Variants in ACADSB observed in about 807,000 individuals in gnomAD.
ACADSB encodes the protein acyl-CoA dehydrogenase short/branched chain.
A neutral mutation model predicts 54.1 loss-of-function variants in ACADSB; 40 were observed. That is an observed-to-expected ratio of 0.74 (90% confidence interval 0.57 to 0.96). The LOEUF is 0.96. Among genes scored for constraint, ACADSB ranks in the 40% least tolerant of loss-of-function variants. The pLI is 0.00. For missense variants in ACADSB, 530 were observed against 510.4 expected (o/e 1.04, Z -0.37); for synonymous variants, 182 against 182.8 (o/e 1.00, Z 0.03).
rs772065649 is a variant in ACADSB, at chr10:123,052,621, G to T, written c.1129-440G>T. The T allele has an allele frequency of 3.2e-5, 8 of 248,514 alleles. No individual in the cohort carries two copies. Among genetic ancestry groups the T allele is most frequent in the Middle Eastern group, 1.5e-3 (1 of 656 alleles). 15.4% of individuals were successfully genotyped at this position (248,514 alleles called of 1,614,324 possible). A position where few individuals can be genotyped will look rare whatever the true frequency, so the allele number is the denominator to read the frequency against. Reference sequence around the variant, plus strand: ...GTGGACGTCCTTGAGGGGCCATTCTGCAGGGTCTCTCGCTCCTCCATTCTC... The same window carrying T: ...GTGGACGTCCTTGAGGGGCCATTCTTCAGGGTCTCTCGCTCCTCCATTCTC... On this transcript the variant is annotated intron_variant, in intron 9 of 10. Coordinates refer to ENST00000358776, the MANE Select transcript of ACADSB (RefSeq NM_001609.4). The surrounding 1 kb of genome is among the most constrained non-coding windows in gnomAD (Gnocchi z 4.2).
chr10:123,009,152 G>C, intron 1 of ACADSB, 81 bp downstream of exon 1: 1 of 1,443,428 alleles, frequency 6.9e-7, no homozygotes, highest in Non-Finnish European at 9.4e-7. Flanking sequence ...GCCTTCTAAC[G>C]GGCCTCGGGG....
In ACADSB at chr10:123,056,809, A is replaced by T. The variant is rs1850715291; in HGVS notation, c.*3044A>T. On this transcript the variant is annotated 3_prime_UTR_variant, in exon 11 of 11. Coordinates refer to ENST00000358776, the MANE Select transcript of ACADSB (RefSeq NM_001609.4). ...CAGAGTAATTTTGTTTTGCACATTC[A>T]TGTTTATTGAAGTGGACTAATTTCT... 6.6e-6 allele frequency: 1 copy of T among 152,562 alleles called. No homozygotes were observed. The highest frequency in any genetic ancestry group is 1.9e-4 in the East Asian group (1 of 5,202). The allele number at this position is 152,562 out of a possible 1,614,324, so 9.5% of individuals were successfully genotyped here.
intron 1 of ACADSB, among the ~76,000 whole-genome samples, chr10:123,021,382 C>G (rs1450830357): frequency 6.6e-6 from 1 of 152,040 alleles, no homozygotes; most frequent in South Asian, 2.1e-4. Context: ...CAAATAATAC[C>G]CTTTTGAATG....
rs1247302955 is a variant in ACADSB at position 123,009,208 on chromosome 10, A to G, written c.42+137A>G. The G allele has an allele frequency of 5.0e-6, 5 of 1,007,790 alleles. No individual in the cohort carries two copies. The East Asian group carries it at 1.3e-4, about 26-fold the overall frequency. The allele number at this position is 1,007,790 out of a possible 1,614,324, so 62.4% of individuals were successfully genotyped here. A position where few individuals can be genotyped will look rare whatever the true frequency, so the allele number is the denominator to read the frequency against. ...CACGTCCTGGGTCCCCAGACTCTTT[A>G]CCCGCGGGCAGTCTATGACCCCGAC... On this transcript the variant is annotated intron_variant, in intron 1 of 10. Transcript: ENST00000358776.
At chr10:123,020,021 CTT>C (rs1367741453) in intron 1 of ACADSB, among the ~76,000 whole-genome samples, 1 of 152,118 alleles carries the variant, frequency 6.6e-6, no homozygotes, top group African/African-American at 2.4e-5. Context: ...CATCCACCCT[CTT>C]AGGTTCAGTG....
chr10:123,035,107 G>A (rs373269042), intron 2 of ACADSB, among the ~76,000 whole-genome samples: 124 of 151,952 alleles, frequency 8.2e-4, no homozygotes, highest in African/African-American at 2.7e-3. Context: ...GTGCCACCAC[G>A]CCTGGCTAGT....
chr10:123,027,126 G>C (rs185493855), intron 1 of ACADSB, among the ~76,000 whole-genome samples: 120 of 152,288 alleles, frequency 7.9e-4, no homozygotes, highest in South Asian at 1.7e-3. Flanking sequence ...AAAATCATAA[G>C]ATGGGTTGAA....
At position 123,026,662 on chromosome 10, in the gene ACADSB, A is replaced by T. The variant is rs1400085713; in HGVS notation, c.43-7694A>T. 2.6e-5 allele frequency among the ~76,000 whole-genome samples: 4 copies of T among 152,278 alleles called. No homozygotes were observed. The East Asian group carries it at 7.7e-4, about 29-fold the overall frequency. On this transcript the variant is annotated intron_variant, in intron 1 of 10. Coordinates refer to ENST00000358776, the MANE Select transcript of ACADSB (RefSeq NM_001609.4). Reference sequence around the variant, plus strand: ...ACTATTTTGCAACTATTTAAATTTTAAAAAGGAGTGAAAAAGCTCTCTAAG... The same window carrying T: ...ACTATTTTGCAACTATTTAAATTTTTAAAAGGAGTGAAAAAGCTCTCTAAG...
chr10:123,030,518 C>T (rs9423321), intron 1 of ACADSB, among the ~76,000 whole-genome samples: 5,508 of 137,972 alleles, frequency 0.04, 192 homozygotes, highest in East Asian at 0.11. Flanking sequence ...CAGAGCGAGA[C>T]TCTGTCTCAA....
intron 1 of ACADSB, among the ~76,000 whole-genome samples, chr10:123,029,856 AGACTGG>A (rs1850303857): frequency 6.6e-6 from 1 of 152,234 alleles, no homozygotes; most frequent in Non-Finnish European, 1.5e-5. Context: ...AGAATACCAT[AGACTGG>A]GTGCTTATAA....
intron 1 of ACADSB, among the ~76,000 whole-genome samples, chr10:123,033,970 C>T (rs1850361982): frequency 1.3e-5 from 2 of 152,190 alleles, no homozygotes; most frequent in African/African-American, 4.8e-5. Context: ...GGGCAGGTAG[C>T]TCTGTGCCCT....
At position 123,034,414 on chromosome 10, in the gene ACADSB, A is replaced by G; in HGVS notation, c.101A>G (p.Lys34Arg). 3.1e-6 allele frequency: 5 copies of G among 1,613,830 alleles called. No homozygotes were observed. The highest frequency in any genetic ancestry group is 4.2e-6 in the Non-Finnish European group (5 of 1,179,964). Residue 34 changes from lysine to arginine, a missense_variant, in exon 2 of 11, where the codon AAA (lysine) becomes AGA (arginine). By Grantham distance (26) the Lys-to-Arg change is conservative. Transcript: ENST00000358776. ...SSWKIPPHVSKSSQSEALLNI... is the reference protein window; with the variant it reads ...SSWKIPPHVSRSSQSEALLNI... The stretch of plus-strand genomic sequence containing the variant: ...TGGAAGATTCCTCCTCATGTCTCAA[A>G]ATCTTCCCAGTCAGAAGCTCTACTC...
chr10:123,032,135 G>A (rs550809145), intron 1 of ACADSB, among the ~76,000 whole-genome samples: 11 of 151,702 alleles, frequency 7.3e-5, no homozygotes, highest in African/African-American at 1.7e-4. Context: ...GCCTGCCACC[G>A]CACCTAGCTA....
At chr10:123,046,431 T>G (rs1021328874) in intron 7 of ACADSB, among the ~76,000 whole-genome samples, 4 of 152,238 alleles carry the variant, frequency 2.6e-5, no homozygotes, top group African/African-American at 9.6e-5. Flanking sequence ...GAAAGTTGGT[T>G]AGCAGTGAGA....
intron 5 of ACADSB, among the ~76,000 whole-genome samples, chr10:123,042,687 A>G (rs1378147750): frequency 6.6e-6 from 1 of 152,006 alleles, no homozygotes; most frequent in Non-Finnish European, 1.5e-5. Flanking sequence ...ACCTCAGGTA[A>G]TCCGCCCGAC....
At chr10:123,032,010 C>T (rs1004521362) in intron 1 of ACADSB, among the ~76,000 whole-genome samples, 2 of 151,740 alleles carry the variant, frequency 1.3e-5, no homozygotes, top group East Asian at 3.9e-4. Context: ...GATGGAGTCT[C>T]ACTTTGTCGC....
chr10:123,020,299 A>T lies in ACADSB; in HGVS notation c.42+11228A>T, dbSNP rs187204113. On this transcript the variant is annotated intron_variant, in intron 1 of 10. Transcript: ENST00000358776. ...GGGCCAAAAACTCCCCAGGAGGGGGAATTTCTAATAGCCTCATTTCCCAGA... is the reference window on the plus strand; with the variant it reads ...GGGCCAAAAACTCCCCAGGAGGGGGTATTTCTAATAGCCTCATTTCCCAGA... Among the ~76,000 whole-genome samples, 455 of 151,880 alleles carry T rather than the reference A, an allele frequency of 3.0e-3. 1 individual carries two copies. Among genetic ancestry groups the T allele is most frequent in the Non-Finnish European group, 3.7e-3 (252 of 67,866 alleles).
chr10:123,049,942 A>G (rs1850606792), intron 8 of ACADSB, among the ~76,000 whole-genome samples: 1 of 152,234 alleles, frequency 6.6e-6, no homozygotes, highest in Non-Finnish European at 1.5e-5. Flanking sequence ...AATATACCAT[A>G]AAGTGAAAAG....
chr10:123,019,504 G>T (rs549843902), intron 1 of ACADSB, among the ~76,000 whole-genome samples: 1 of 152,344 alleles, frequency 6.6e-6, no homozygotes, highest in African/African-American at 2.4e-5. Flanking sequence ...CATTTTTTCT[G>T]TAAGATTGTG....
Sources: allele counts gnomAD v4.1 joint callset (sites outside exome capture counted in the v4.1 genomes callset), GRCh38; gene constraint gnomAD v4.1.1; non-coding constraint Gnocchi (gnomAD v3.1); transcripts MANE v1.5; gene names NCBI Gene and HGNC (gene_info 2026-07-23, HGNC 2026-07-21).